The following LINGO2 variants were observed in gnomAD, a reference collection of about 807,000 sequenced individuals.
LINGO2 encodes the protein leucine rich repeat and Ig domain containing 2, also known as leucine-rich repeat and immunoglobulin-like domain-containing nogo receptor-interacting protein 2.
In LINGO2, 14 loss-of-function variants were observed where a neutral mutation model predicts 30.6. That is an observed-to-expected ratio of 0.46 (90% CI 0.30 to 0.72). The LOEUF is 0.72. Ranked by LOEUF, LINGO2 falls within the 30% of genes least tolerant of loss-of-function variation. LINGO2 has a pLI of 0.07. For missense variants in LINGO2, 729 were observed against 751.7 expected (o/e 0.97, Z 0.35); for synonymous variants, 317 against 288.5 (o/e 1.10, Z -1.00).
the LINGO2 span, among the ~76,000 whole-genome samples, chr9:29,158,405 C>T: frequency 7.0e-6 from 1 of 142,388 alleles, no homozygotes; most frequent in Non-Finnish European, 1.5e-5. Flanking sequence ...CCTTCTATAA[C>T]TTTAGTGATA....
intron 2 of LINGO2, among the ~76,000 whole-genome samples, chr9:28,454,426 A>G (rs1200859757): frequency 1.3e-5 from 2 of 152,022 alleles, no homozygotes; most frequent in Non-Finnish European, 2.9e-5. Flanking sequence ...AAGGGTTGAT[A>G]TAACACCTGC....
chr9:28,118,549 G>A (rs1009077910), intron 4 of LINGO2, among the ~76,000 whole-genome samples: 1 of 152,156 alleles, frequency 6.6e-6, no homozygotes, highest in African/African-American at 2.4e-5. Flanking sequence ...TATGAGGAAT[G>A]AGAAAGCTTG....
At chr9:28,274,872 A>T (rs994189491) in intron 4 of LINGO2, among the ~76,000 whole-genome samples, 6 of 152,184 alleles carry the variant, frequency 3.9e-5, no homozygotes, top group Non-Finnish European at 7.4e-5. Flanking sequence ...CTATTCTCAC[A>T]TGTATTCAAA....
At chr9:28,597,377 G>A (rs1267605712) in intron 1 of LINGO2, among the ~76,000 whole-genome samples, 1 of 152,168 alleles carries the variant, frequency 6.6e-6, no homozygotes, top group Admixed American at 6.5e-5. Context: ...GCTATTAATA[G>A]AGAGGAACAG....
the LINGO2 span, among the ~76,000 whole-genome samples, chr9:28,998,720 A>G: frequency 2.6e-5 from 4 of 152,110 alleles, no homozygotes; most frequent in African/African-American, 9.7e-5. Context: ...ATCTTGTGTC[A>G]TGAGGTTAGC....
intron 5 of LINGO2, among the ~76,000 whole-genome samples, chr9:27,984,627 A>C (rs16912208): frequency 0.051 from 7,735 of 151,856 alleles, 363 homozygotes; most frequent in Admixed American, 0.1. Flanking sequence ...ATCACTGAGA[A>C]AATCAGCATA....
At chr9:28,145,964 A>G (rs2198292) in intron 4 of LINGO2, among the ~76,000 whole-genome samples, 37,014 of 152,072 alleles carry the variant, frequency 0.24, 4,549 homozygotes, top group African/African-American at 0.27. Flanking sequence ...GCTAAGGGAA[A>G]CCCAGATCTC....
the LINGO2 span, among the ~76,000 whole-genome samples, chr9:28,899,442 C>CTGGCCCCAG: frequency 2.0e-5 from 3 of 152,318 alleles, no homozygotes; most frequent in Admixed American, 1.3e-4. Flanking sequence ...CAGGGTTAGG[C>CTGGCCCCAG]TGGCCCCAGT....
chr9:28,602,952 G>C (rs1825550038), intron 1 of LINGO2, among the ~76,000 whole-genome samples: 1 of 151,988 alleles, frequency 6.6e-6, no homozygotes, highest in Non-Finnish European at 1.5e-5. Context: ...ATAAAGACTG[G>C]CACATAGAGT....
At chr9:27,959,294 T>C (rs1228012429) in intron 5 of LINGO2, among the ~76,000 whole-genome samples, 1 of 152,110 alleles carries the variant, frequency 6.6e-6, no homozygotes, top group Non-Finnish European at 1.5e-5. Flanking sequence ...ATTATTTGAC[T>C]ATTTATTTTG....
At chr9:28,015,672 T>C (rs1229600063) in intron 4 of LINGO2, among the ~76,000 whole-genome samples, 1 of 152,126 alleles carries the variant, frequency 6.6e-6, no homozygotes, top group Non-Finnish European at 1.5e-5. Flanking sequence ...AGGATAGTTG[T>C]TTTTAATAAA....
chr9:28,360,643 AAACCATGTAT>A (rs1820403437), intron 3 of LINGO2, among the ~76,000 whole-genome samples: 1 of 152,202 alleles, frequency 6.6e-6, no homozygotes, highest in South Asian at 2.1e-4. Context: ...AGATAGTACC[AAACCATGTAT>A]ATGCCATTTT....
the LINGO2 span, among the ~76,000 whole-genome samples, chr9:29,049,260 A>G: frequency 6.6e-6 from 1 of 152,350 alleles, no homozygotes; most frequent in East Asian, 1.9e-4. Flanking sequence ...GAAAGCTACA[A>G]TGAGATATTA....
the LINGO2 span, among the ~76,000 whole-genome samples, chr9:28,975,981 T>A: frequency 6.6e-6 from 1 of 152,192 alleles, no homozygotes; most frequent in Non-Finnish European, 1.5e-5. Flanking sequence ...TTTATTGGTC[T>A]CTGCCTGAGT....
chr9:28,002,281 C>A (rs1267176104), intron 5 of LINGO2, among the ~76,000 whole-genome samples: 1 of 149,934 alleles, frequency 6.7e-6, no homozygotes. Context: ...TTTTTGTTCC[C>A]TCTCGTATTT....
chr9:28,255,869 T>G lies in LINGO2; in HGVS notation c.-87+39339A>C, dbSNP rs1822366488. 2.6e-5 allele frequency among the ~76,000 whole-genome samples: 4 copies of G among 152,212 alleles called. No homozygotes were observed. In the South Asian group the frequency reaches 6.2e-4, roughly 24 times the overall value. On this transcript the variant is annotated intron_variant, in intron 4 of 5. Transcript: ENST00000379992. The stretch of plus-strand genomic sequence containing the variant: ...TCCTAGATACAACTGCAAATTCTTG[T>G]GAAGATTTCTAACTATCCTGTGCTT...
chr9:28,737,753 T>G, the LINGO2 span, among the ~76,000 whole-genome samples: 2 of 152,256 alleles, frequency 1.3e-5, no homozygotes, highest in South Asian at 4.1e-4. Context: ...AAATTATTTT[T>G]TTTTCTTGGG....
chr9:28,528,738 A>G (rs1310669292), intron 1 of LINGO2, among the ~76,000 whole-genome samples: 1 of 151,908 alleles, frequency 6.6e-6, no homozygotes, highest in Non-Finnish European at 1.5e-5. Flanking sequence ...TCAACACACC[A>G]TCTACTATTC....
the LINGO2 span, among the ~76,000 whole-genome samples, chr9:28,770,124 T>A: frequency 6.6e-6 from 1 of 152,180 alleles, no homozygotes; most frequent in Non-Finnish European, 1.5e-5. Context: ...CAGTCTTTCT[T>A]CAGCATGGGG....
Sources: allele counts gnomAD v4.1 joint callset (sites outside exome capture counted in the v4.1 genomes callset), GRCh38; gene constraint gnomAD v4.1.1; transcripts MANE v1.5; gene names NCBI Gene and HGNC (gene_info 2026-07-23, HGNC 2026-07-21).